Variants in GPATCH8 observed in about 807,000 individuals in gnomAD.
The protein encoded by GPATCH8 is G-patch domain containing 8, also known as G patch domain-containing protein 8.
GPATCH8 carries 18 observed loss-of-function variants against 118.3 expected under a neutral mutation model. The observed-to-expected ratio is 0.15, with a 90% CI of 0.11 to 0.23. The LOEUF is 0.23. Ranked by LOEUF, GPATCH8 falls within the 10% of genes least tolerant of loss-of-function variation. The pLI, the probability that GPATCH8 is intolerant of heterozygous loss-of-function variation, is 1.00. For missense variants in GPATCH8, 1,631 were observed against 1,873.8 expected (o/e 0.87, Z 2.39); for synonymous variants, 659 against 684.7 (o/e 0.96, Z 0.59).
In GPATCH8 at chr17:44,492,177, T is replaced by G. The variant is rs1969295822; in HGVS notation, c.45+11149A>C. On this transcript the variant is annotated intron_variant, in intron 1 of 7. Transcript: ENST00000591680. ...TTAGCCAGGCGTGGTGGCGGGCACC[T>G]GTAGTCCCAGCTACTCGGGAGGCTG... 3.3e-5 allele frequency among the ~76,000 whole-genome samples: 5 copies of G among 151,050 alleles called. No homozygotes were observed. The South Asian group carries it at 1.0e-3, about 32-fold the overall frequency.
chr17:44,478,013 G>C (rs1967916876), intron 1 of GPATCH8, among the ~76,000 whole-genome samples: 1 of 127,094 alleles, frequency 7.9e-6, no homozygotes, highest in Non-Finnish European at 1.7e-5. Flanking sequence ...TGGGGGGTGG[G>C]GGGGTTCACA....
At chr17:44,456,060 TC>T (rs1361748535) in intron 3 of GPATCH8, among the ~76,000 whole-genome samples, 1 of 152,036 alleles carries the variant, frequency 6.6e-6, no homozygotes, top group East Asian at 1.9e-4. Context: ...AAATGATTTT[TC>T]TTAAGAAATC....
At chr17:44,416,699 CTAAGAA>C (rs1158203960) in intron 6 of GPATCH8, among the ~76,000 whole-genome samples, 1 of 152,114 alleles carries the variant, frequency 6.6e-6, no homozygotes, top group Non-Finnish European at 1.5e-5. Context: ...AAACAGTCAA[CTAAGAA>C]TAAGTAATCC....
At chr17:44,483,154 C>CA (rs1178488342) in intron 1 of GPATCH8, among the ~76,000 whole-genome samples, 1 of 846 alleles carries the variant, frequency 1.2e-3, no homozygotes, top group African/African-American at 3.5e-3. Flanking sequence ...GACTCCGTCT[C>CA]AAAAAAAAAA....
At chr17:44,478,775 T>C (rs1197712807) in intron 1 of GPATCH8, among the ~76,000 whole-genome samples, 2 of 152,200 alleles carry the variant, frequency 1.3e-5, no homozygotes, top group African/African-American at 2.4e-5. Context: ...AGTCTCTCTC[T>C]GTCACCCAAG....
intron 2 of GPATCH8, chr17:44,474,594 G>C (rs1967578003): frequency 6.5e-6 from 4 of 611,280 alleles, no homozygotes; most frequent in Middle Eastern, 4.4e-4. Context: ...GGGCCAAAAA[G>C]ATATTTTTCC....
rs1181225245 is a variant in GPATCH8, at chr17:44,424,487, A to G, written c.354T>C (p.Tyr118=). The change falls in exon 6 of 8, where the codon TAT becomes TAC. Residue 118 remains tyrosine (Y), a synonymous_variant. Transcript: ENST00000591680. ...TEELRQKYKD[Y]VDKEKAIAKA... ...TGGCAATTGCCTTCTCTTTGTCAAC[A>G]TAATCCTTCAAGACCCATGAAATAC... The G allele has an allele frequency of 6.2e-7, 1 of 1,606,936 alleles. No individual in the cohort carries two copies. Among genetic ancestry groups the G allele is most frequent in the Non-Finnish European group, 8.5e-7 (1 of 1,173,768 alleles).
intron 1 of GPATCH8, among the ~76,000 whole-genome samples, chr17:44,497,245 G>C (rs1043624986): frequency 1.3e-5 from 2 of 152,120 alleles, no homozygotes; most frequent in Non-Finnish European, 2.9e-5. Context: ...ACTTTACATA[G>C]GTTTCTGATT....
At chr17:44,461,177 A>ATTTT (rs1257585378) in intron 3 of GPATCH8, among the ~76,000 whole-genome samples, 8 of 152,108 alleles carry the variant, frequency 5.3e-5, no homozygotes, top group Admixed American at 5.2e-4. Context: ...GGTGAATTTT[A>ATTTT]TTTTATTTAT....
In GPATCH8 at chr17:44,406,498, G is replaced by GA. The variant is rs935676151; in HGVS notation, c.493-448_493-447insT. On this transcript the variant is annotated intron_variant, in intron 6 of 7. Coordinates refer to ENST00000591680, the MANE Select transcript of GPATCH8 (RefSeq NM_001002909.4). ...TGAAAAGCAATGTACAGCTTACATG[G>GA]GGGGGGGGGGTTATTTAAATTAGAA... is the stretch of plus-strand genomic sequence containing the variant. Among the ~76,000 whole-genome samples, 3 of 132,036 alleles carry GA rather than the reference G, an allele frequency of 2.3e-5. 1 individual carries two copies. The allele number at this position is 132,036 out of a possible 152,430, so 86.6% of individuals were successfully genotyped here. A position where few individuals can be genotyped will look rare whatever the true frequency, so the allele number is the denominator to read the frequency against.
chr17:44,416,490 C>T (rs972648268), intron 6 of GPATCH8, among the ~76,000 whole-genome samples: 3 of 151,904 alleles, frequency 2.0e-5, no homozygotes, highest in Non-Finnish European at 2.9e-5. Flanking sequence ...CAAAACAGAC[C>T]CCAAGAAAAT....
At chr17:44,462,818 A>C (rs935952256) in intron 3 of GPATCH8, among the ~76,000 whole-genome samples, 1 of 151,866 alleles carries the variant, frequency 6.6e-6, no homozygotes, top group Non-Finnish European at 1.5e-5. Context: ...CCGTCTCTAT[A>C]AAAATACAAA....
rs1337583645 is a variant in GPATCH8 at position 44,395,354 on chromosome 17, ATAAAGT to A, written c.*2208_*2213del. 1.1e-5 allele frequency: 5 copies of A among 443,448 alleles called. No individual in the cohort carries two copies. Among genetic ancestry groups the A allele is most frequent in the African/African-American group, 1.0e-4 (5 of 49,222 alleles). The allele number at this position is 443,448 out of a possible 1,614,324, so 27.5% of individuals were successfully genotyped here. Reference sequence around the variant, plus strand: ...AGCATATATATCTCTATCATATGTGATAAAGTTAAATACAATCTGTTATGCTTGTAA... The same window carrying A: ...AGCATATATATCTCTATCATATGTGATAAATACAATCTGTTATGCTTGTAA... On this transcript the variant is annotated 3_prime_UTR_variant, in exon 8 of 8. Transcript: ENST00000591680.
intron 6 of GPATCH8, among the ~76,000 whole-genome samples, chr17:44,408,242 GGT>G (rs11469796): frequency 0.6 from 91,018 of 151,286 alleles, 27,550 homozygotes; most frequent in Middle Eastern, 0.67. Flanking sequence ...GGAGTGCAGT[GGT>G]GTGTGATCTT....
At chr17:44,464,418 A>G (rs1308351975) in intron 3 of GPATCH8, 54 bp downstream of exon 3, 1 of 1,004,608 alleles carries the variant, frequency 1.0e-6, no homozygotes, top group Non-Finnish European at 1.6e-6. Context: ...CAGGTACAAG[A>G]TCTGCATCAG....
intron 1 of GPATCH8, among the ~76,000 whole-genome samples, chr17:44,501,105 T>C (rs1448391594): frequency 6.6e-6 from 1 of 152,124 alleles, no homozygotes; most frequent in South Asian, 2.1e-4. Flanking sequence ...CCCAAAATGC[T>C]AGGACATCTG....
At chr17:44,447,928 A>C (rs2050947133) in intron 3 of GPATCH8, among the ~76,000 whole-genome samples, 1 of 152,192 alleles carries the variant, frequency 6.6e-6, no homozygotes, top group Non-Finnish European at 1.5e-5. Context: ...TTTTATTTCC[A>C]AATTAGACAT....
At chr17:44,421,134 T>C (rs938163437) in intron 6 of GPATCH8, among the ~76,000 whole-genome samples, 3 of 152,084 alleles carry the variant, frequency 2.0e-5, no homozygotes, top group Admixed American at 2.0e-4. Context: ...TTATACTGTG[T>C]GAGCCACCAC....
rs180679726 is a variant in GPATCH8 at position 44,479,735 on chromosome 17, G to A, written c.46-4832C>T. ...TGTAATCCCAGCACTTTGGGAGGTC[G>A]AGGCGGGTAGATCACAGGGTCAGGA... On this transcript the variant is annotated intron_variant, in intron 1 of 7. Coordinates refer to ENST00000591680, the MANE Select transcript of GPATCH8 (RefSeq NM_001002909.4). Among the ~76,000 whole-genome samples, 3 of 152,250 alleles carry A rather than the reference G, an allele frequency of 2.0e-5. No homozygotes were observed. The East Asian group carries it at 5.8e-4, about 29-fold the overall frequency.
Sources: allele counts gnomAD v4.1 joint callset (sites outside exome capture counted in the v4.1 genomes callset), GRCh38; gene constraint gnomAD v4.1.1; transcripts MANE v1.5; gene names NCBI Gene and HGNC (gene_info 2026-07-23, HGNC 2026-07-21).